TOP6BL: variants seen among roughly 807,000 people sequenced by gnomAD.
TOP6BL encodes the protein TOP6B like initiator of meiotic double strand breaks, also known as type 2 DNA topoisomerase 6 subunit B-like.
At chr11:66,827,137 A>G in the TOP6BL span, among the ~76,000 whole-genome samples, 1 of 151,466 alleles carries the variant, frequency 6.6e-6, no homozygotes, top group Non-Finnish European at 1.5e-5. Context: ...ATGTGCCACC[A>G]CGCCTGACTA....
At chr11:66,776,267 C>T in the TOP6BL span, among the ~76,000 whole-genome samples, 1 of 152,028 alleles carries the variant, frequency 6.6e-6, no homozygotes, top group Non-Finnish European at 1.5e-5. Context: ...CCATGTTGGC[C>T]AGCCTGGTCT....
At chr11:66,749,738 T>C in the TOP6BL span, among the ~76,000 whole-genome samples, 2 of 152,064 alleles carry the variant, frequency 1.3e-5, no homozygotes, top group African/African-American at 4.8e-5. Context: ...ATTTTGTGTG[T>C]GTGTGTATTT....
chr11:66,757,922 A>T, the TOP6BL span, among the ~76,000 whole-genome samples: 2 of 152,192 alleles, frequency 1.3e-5, no homozygotes, highest in Non-Finnish European at 2.9e-5. Context: ...AGCTAAATGT[A>T]AATAGCCACA....
At chr11:66,843,357 C>CGGCCT in the TOP6BL span, 1 of 1,455,116 alleles carries the variant, frequency 6.9e-7, no homozygotes, top group Non-Finnish European at 9.0e-7. Context: ...GCGTCGGGCC[C>CGGCCT]GGGCGGGGCG....
At chr11:66,748,362 A>G in the TOP6BL span, 2 of 1,515,286 alleles carry the variant, frequency 1.3e-6, no homozygotes, top group African/African-American at 1.4e-5. Context: ...GTTTTCTTTG[A>G]ATTGTGCTCT....
the TOP6BL span, among the ~76,000 whole-genome samples, chr11:66,789,631 A>T: frequency 6.6e-6 from 1 of 152,178 alleles, no homozygotes; most frequent in Non-Finnish European, 1.5e-5. Context: ...GTGAACCAAG[A>T]AGGGCAATTC....
the TOP6BL span, among the ~76,000 whole-genome samples, chr11:66,765,835 G>T: frequency 6.6e-6 from 1 of 152,166 alleles, no homozygotes; most frequent in African/African-American, 2.4e-5. Flanking sequence ...TTACTAATTA[G>T]TAACAAAAAT....
the TOP6BL span, among the ~76,000 whole-genome samples, chr11:66,781,699 G>A: frequency 4.0e-4 from 61 of 152,120 alleles, no homozygotes; most frequent in East Asian, 0.011. Context: ...CACCACGCCC[G>A]GCTAATTTTT....
At chr11:66,816,032 G>A in the TOP6BL span, 37 of 1,568,822 alleles carry the variant, frequency 2.4e-5, no homozygotes, top group African/African-American at 5.4e-5. Context: ...TTAGAAATTC[G>A]TGTAATATCT....
At chr11:66,753,794 T>C in the TOP6BL span, among the ~76,000 whole-genome samples, 5 of 150,566 alleles carry the variant, frequency 3.3e-5, no homozygotes, top group Non-Finnish European at 7.4e-5. Context: ...AACCTCCACC[T>C]CCCAGGTTCA....
At chr11:66,807,866 A>G in the TOP6BL span, among the ~76,000 whole-genome samples, 3 of 152,218 alleles carry the variant, frequency 2.0e-5, no homozygotes, top group Non-Finnish European at 2.9e-5. Context: ...CTAGAAGGCT[A>G]TATTTTAAGG....
chr11:66,745,527 C>G, the TOP6BL span, among the ~76,000 whole-genome samples: 2 of 152,208 alleles, frequency 1.3e-5, no homozygotes, highest in Non-Finnish European at 2.9e-5. Flanking sequence ...CCCGTGTGCT[C>G]ATTTCATTAC....
chr11:66,796,546 G>A, the TOP6BL span, among the ~76,000 whole-genome samples: 1 of 152,060 alleles, frequency 6.6e-6, no homozygotes, highest in Admixed American at 6.6e-5. Context: ...TTGGGAGGCC[G>A]AGGCGGGAGG....
the TOP6BL span, among the ~76,000 whole-genome samples, chr11:66,750,439 C>G: frequency 3.3e-5 from 5 of 151,960 alleles, no homozygotes; most frequent in East Asian, 9.7e-4. Flanking sequence ...CCCAGCTACT[C>G]GGGAGGCTGA....
the TOP6BL span, among the ~76,000 whole-genome samples, chr11:66,833,193 C>T: frequency 3.3e-5 from 5 of 151,824 alleles, no homozygotes; most frequent in African/African-American, 9.7e-5. Context: ...GGATTACAGG[C>T]GCCTACCACC....
At chr11:66,756,376 A>G in the TOP6BL span, 1 of 1,182,302 alleles carries the variant, frequency 8.5e-7, no homozygotes. Context: ...TCTGTTACCC[A>G]GGCCGGAGTG....
the TOP6BL span, among the ~76,000 whole-genome samples, chr11:66,837,344 G>A: frequency 1.3e-5 from 2 of 151,704 alleles, no homozygotes; most frequent in African/African-American, 4.8e-5. Context: ...AGCCAGGATG[G>A]TTTCAATCTC....
chr11:66,828,444 C>T, the TOP6BL span: 2 of 1,070,260 alleles, frequency 1.9e-6, no homozygotes, highest in South Asian at 2.8e-5. Context: ...TGGGTAGGTA[C>T]AAGTGTTTCA....
At chr11:66,833,953 A>G in the TOP6BL span, among the ~76,000 whole-genome samples, 1 of 152,014 alleles carries the variant, frequency 6.6e-6, no homozygotes, top group East Asian at 1.9e-4. Context: ...GTCTCAAAAA[A>G]AAAAAAAGAT....
Sources: gnomAD v4.1 joint callset for allele counts (sites outside exome capture counted in the v4.1 genomes callset) on GRCh38, gnomAD v4.1.1 for gene constraint, MANE v1.5 for transcripts, NCBI Gene and HGNC (gene_info 2026-07-23, HGNC 2026-07-21) for gene names.